Variants in UBAC2 observed in about 807,000 individuals in gnomAD.
The protein encoded by UBAC2 is UBA domain containing 2.
UBAC2 carries 26 observed loss-of-function variants against 44.0 expected under a neutral mutation model. The ratio of observed to expected loss-of-function variants is 0.59; its 90% CI spans 0.43 to 0.82. The LOEUF is 0.82. Ranked by LOEUF, UBAC2 falls within the 40% of genes least tolerant of loss-of-function variation. The pLI, the probability that UBAC2 is intolerant of heterozygous loss-of-function variation, is 0.00. For synonymous variants in UBAC2, 155 were observed against 154.3 expected (o/e 1.00, Z -0.04); for missense variants, 329 against 419.4 (o/e 0.78, Z 1.88).
At chr13:99,349,978 C>T (rs977738527) in intron 7 of UBAC2, among the ~76,000 whole-genome samples, 10 of 152,128 alleles carry the variant, frequency 6.6e-5, no homozygotes, top group Non-Finnish European at 1.5e-4. Context: ...CTGGCATTAC[C>T]GCTTGACCAA....
chr13:99,329,613 T>C (rs1009803726), intron 6 of UBAC2, among the ~76,000 whole-genome samples: 1 of 152,210 alleles, frequency 6.6e-6, no homozygotes, highest in African/African-American at 2.4e-5. Context: ...GGGGAGCCCA[T>C]CTACCATGCC....
chr13:99,260,278 G>A (rs1461925593), intron 4 of UBAC2, among the ~76,000 whole-genome samples: 1 of 152,184 alleles, frequency 6.6e-6, no homozygotes, highest in Non-Finnish European at 1.5e-5. Context: ...CATTGTTACT[G>A]CATATTTACT....
At chr13:99,254,701 G>C in intron 4 of UBAC2, 2 of 566,060 alleles carry the variant, frequency 3.5e-6, no homozygotes, top group Non-Finnish European at 6.0e-6. Flanking sequence ...AGAAAAATCA[G>C]ATGCTTTTCT....
chr13:99,303,577 T>G (rs1470235050), intron 4 of UBAC2, among the ~76,000 whole-genome samples: 2 of 152,140 alleles, frequency 1.3e-5, no homozygotes, highest in African/African-American at 4.8e-5. Context: ...AGAAAGATAT[T>G]CTGTGTTTGT....
At chr13:99,259,024 T>C (rs1039156201) in intron 4 of UBAC2, among the ~76,000 whole-genome samples, 12 of 152,234 alleles carry the variant, frequency 7.9e-5, no homozygotes, top group Admixed American at 2.0e-4. Context: ...AGAAATAATT[T>C]CTTTTGCATA....
intron 1 of UBAC2, chr13:99,201,668 C>T (rs2142625783): frequency 1.7e-6 from 2 of 1,180,396 alleles, no homozygotes; most frequent in Admixed American, 2.3e-5. Flanking sequence ...CAGTTAGGCA[C>T]GGGTACAGCA....
chr13:99,236,860 A>G (rs915507473), intron 1 of UBAC2, among the ~76,000 whole-genome samples: 2 of 152,212 alleles, frequency 1.3e-5, no homozygotes, highest in African/African-American at 4.8e-5. Flanking sequence ...AAAAACGGCA[A>G]CAACTACCAA....
At chr13:99,256,048 GA>G (rs34849046) in intron 4 of UBAC2, 60,884 of 572,644 alleles carry the variant, frequency 0.11, 4,164 homozygotes, top group South Asian at 0.25. Context: ...GTTAACTACT[GA>G]ACATTCACAG....
intron 2 of UBAC2, among the ~76,000 whole-genome samples, chr13:99,242,405 C>T (rs1447956121): frequency 2.8e-5 from 4 of 141,814 alleles, no homozygotes; most frequent in East Asian, 2.1e-4. Context: ...TAGGGGCGGC[C>T]GGGCAGAGGC....
chr13:99,215,525 C>T, intron 1 of UBAC2: 1 of 1,470,596 alleles, frequency 6.8e-7, no homozygotes, highest in East Asian at 2.3e-5. Context: ...TACACTTTAC[C>T]TTTAAGTCTT....
chr13:99,335,816 C>A (rs2044780692), intron 6 of UBAC2, among the ~76,000 whole-genome samples: 1 of 152,162 alleles, frequency 6.6e-6, no homozygotes, highest in Non-Finnish European at 1.5e-5. Flanking sequence ...CATTGCTCCC[C>A]AGAGGCGCCA....
At chr13:99,344,382 A>G (rs1195402031) in intron 7 of UBAC2, among the ~76,000 whole-genome samples, 1 of 152,194 alleles carries the variant, frequency 6.6e-6, no homozygotes, top group African/African-American at 2.4e-5. Flanking sequence ...GCCAGGCTTC[A>G]GGTTTAATTA....
rs779079190 is a variant in UBAC2, at chr13:99,255,871, A to C, written c.389+11247A>C. The C allele has an allele frequency of 3.2e-6, 5 of 1,545,370 alleles. No homozygotes were observed. The South Asian group carries it at 6.3e-5, about 19-fold the overall frequency. ...TTGATCTTGATTGTTCAGGGTGATC[A>C]TTTTACAGCTTGTTGGTAGGCATGA... On this transcript the variant is annotated intron_variant, in intron 4 of 8. Transcript: ENST00000403766.
intron 1 of UBAC2, among the ~76,000 whole-genome samples, chr13:99,216,189 C>T (rs1455314398): frequency 6.6e-6 from 1 of 151,878 alleles, no homozygotes; most frequent in Non-Finnish European, 1.5e-5. Context: ...GCAACCTCTG[C>T]CTCCCTGGTT....
chr13:99,361,329 CAT>C (rs2045261957), intron 7 of UBAC2, among the ~76,000 whole-genome samples: 1 of 152,150 alleles, frequency 6.6e-6, no homozygotes, highest in Non-Finnish European at 1.5e-5. Context: ...TATAGAGGCT[CAT>C]ATTTAACCCT....
At chr13:99,336,935 C>T (rs760949483) in intron 6 of UBAC2, among the ~76,000 whole-genome samples, 3 of 152,008 alleles carry the variant, frequency 2.0e-5, no homozygotes, top group Non-Finnish European at 4.4e-5. Context: ...CTTCCTCCTT[C>T]CCACCTCCCT....
At chr13:99,328,490 A>G (rs1005285145) in intron 6 of UBAC2, among the ~76,000 whole-genome samples, 2 of 151,998 alleles carry the variant, frequency 1.3e-5, no homozygotes, top group Non-Finnish European at 2.9e-5. Flanking sequence ...AATTCTCTAC[A>G]CCCTTGTCAA....
At chr13:99,368,050 T>G in intron 8 of UBAC2, 144 bp downstream of exon 8, 4 of 1,073,368 alleles carry the variant, frequency 3.7e-6, no homozygotes, top group East Asian at 2.7e-5. Context: ...ATAGAGACTT[T>G]GGGCTTTTTT....
intron 1 of UBAC2, among the ~76,000 whole-genome samples, chr13:99,233,029 A>AT (rs1357102951): frequency 6.6e-6 from 1 of 152,144 alleles, no homozygotes; most frequent in African/African-American, 2.4e-5. Flanking sequence ...TCAAAAATAT[A>AT]TTTTCTAGCT....
Sources: gnomAD v4.1 joint callset for allele counts (sites outside exome capture counted in the v4.1 genomes callset) on GRCh38, gnomAD v4.1.1 for gene constraint, MANE v1.5 for transcripts, NCBI Gene and HGNC (gene_info 2026-07-23, HGNC 2026-07-21) for gene names.